Variants in ADGRG7 observed in about 807,000 individuals in gnomAD.
The protein encoded by ADGRG7 is G-protein coupled receptor 128.
ADGRG7 carries 82 observed loss-of-function variants against 88.6 expected under a neutral mutation model. That is an observed-to-expected ratio of 0.93 (90% CI 0.77 to 1.11). ADGRG7 has a LOEUF of 1.11. ADGRG7 is among the 50% of genes most tolerant of loss of function. The probability of loss-of-function intolerance (pLI) is 0.00; values close to 1 mark genes in which losing one functional copy is unlikely to be tolerated. For missense variants in ADGRG7, 945 were observed against 953.4 expected (o/e 0.99, Z 0.12); for synonymous variants, 381 against 345.2 (o/e 1.10, Z -1.15).
chr3:100,679,527 G>A (rs1364876837), intron 15 of ADGRG7, among the ~76,000 whole-genome samples: 1 of 152,224 alleles, frequency 6.6e-6, no homozygotes, highest in South Asian at 2.1e-4. Context: ...ATGGGGGAAT[G>A]ATTGCTGGAG....
chr3:100,686,941 T>A (rs534563451), intron 15 of ADGRG7, among the ~76,000 whole-genome samples: 7 of 152,264 alleles, frequency 4.6e-5, no homozygotes, highest in East Asian at 1.9e-4. Context: ...CTTGATGGGG[T>A]TGGCATTGAA....
intron 3 of ADGRG7, among the ~76,000 whole-genome samples, chr3:100,631,403 C>A (rs16842433): frequency 0.011 from 1,660 of 152,226 alleles, 26 homozygotes; most frequent in African/African-American, 0.038. Context: ...TTTGGTGATT[C>A]ATTTCAGTGC....
In ADGRG7 at chr3:100,628,374, G is replaced by GTTTTTTTTGT. The variant is rs112549474; in HGVS notation, c.116-1216_116-1215insGTTTTTTTTT. Among the ~76,000 whole-genome samples, 342 of 146,386 alleles carry GTTTTTTTTGT rather than the reference G, an allele frequency of 2.3e-3. 2 individuals are homozygous for GTTTTTTTTGT. Among genetic ancestry groups the GTTTTTTTTGT allele is most frequent in the African/African-American group, 8.4e-3 (335 of 39,816 alleles). On this transcript the variant is annotated intron_variant, in intron 1 of 15. Transcript: ENST00000273352. ...TAGAACTCTGCCACTTGTTTTTTTT[G>GTTTTTTTTGT]TTTTTTTTTTGAGATTACTGTGTCA...
intron 15 of ADGRG7, among the ~76,000 whole-genome samples, chr3:100,671,149 T>C (rs1039903976): frequency 1.3e-5 from 2 of 152,220 alleles, no homozygotes; most frequent in African/African-American, 4.8e-5. Context: ...ATGGTTGAAC[T>C]AACTTACACT....
In ADGRG7 at chr3:100,669,090, T is replaced by C. The variant is rs750913991; in HGVS notation, c.2121T>C (p.Leu707=). The change falls in exon 15 of 16, where the codon CTT becomes CTC. Residue 707 remains leucine (L), a synonymous_variant. Transcript: ENST00000273352. ...IRIVFSYIFC[L]FNTTQGLQIF... ...TCGTCTTCAGCTACATATTCTGCCT[T>C]TTCAACACTACACAGGTATGGTGCG... 7 of 1,589,794 alleles carry C rather than the reference T, an allele frequency of 4.4e-6. No individual in the cohort carries two copies. The African/African-American group carries it at 9.4e-5, about 21-fold the overall frequency.
chr3:100,648,873 C>T (rs774173192), intron 10 of ADGRG7, among the ~76,000 whole-genome samples: 4 of 152,032 alleles, frequency 2.6e-5, no homozygotes, highest in Non-Finnish European at 5.9e-5. Flanking sequence ...CACTACCTCA[C>T]CAGATTTCTA....
At position 100,635,718 on chromosome 3, in the gene ADGRG7, A is replaced by C. The variant is rs1425731303; in HGVS notation, c.489A>C (p.Glu163Asp). The C allele has an allele frequency of 6.2e-7, 1 of 1,614,064 alleles. No homozygotes were observed. The highest frequency in any genetic ancestry group is 1.7e-5 in the Admixed American group (1 of 60,020). Residue 163 changes from glutamate to aspartate, a missense_variant, in exon 5 of 16, where the codon GAA becomes GAC. Coordinates refer to ENST00000273352, the MANE Select transcript of ADGRG7 (RefSeq NM_032787.3). ...CACCACTTAATAACATTTCTTCTGA[A>C]GTCCAGATTTTAACATCTGATGCCA... ...VTAPLNNISS[E>D]VQILTSDANK...
chr3:100,618,408 G>A (rs1247495137), intron 1 of ADGRG7, among the ~76,000 whole-genome samples: 1 of 152,164 alleles, frequency 6.6e-6, no homozygotes, highest in Non-Finnish European at 1.5e-5. Context: ...GTATAAGCAA[G>A]GGATCTAGTT....
chr3:100,617,568 C>G (rs906783531), intron 1 of ADGRG7, among the ~76,000 whole-genome samples: 6 of 152,168 alleles, frequency 3.9e-5, no homozygotes, highest in African/African-American at 1.4e-4. Flanking sequence ...TTTATGGCTG[C>G]ATAGTATTCC....
At position 100,635,701 on chromosome 3, in the gene ADGRG7, A is replaced by C. The variant is rs1183092411; in HGVS notation, c.472A>C (p.Asn158His). 9 of 1,613,850 alleles carry C rather than the reference A, an allele frequency of 5.6e-6. No individual in the cohort carries two copies. The highest frequency in any genetic ancestry group is 6.8e-6 in the Non-Finnish European group (8 of 1,179,916). The change falls in exon 5 of 16, where the codon AAT becomes CAT. Residue 158 changes from asparagine (N) to histidine (H), a missense_variant. Transcript: ENST00000273352. Reference sequence around the variant, plus strand: ...GGTAAAGGATGTCACAGCACCACTTAATAACATTTCTTCTGAAGTCCAGAT... The same window carrying C: ...GGTAAAGGATGTCACAGCACCACTTCATAACATTTCTTCTGAAGTCCAGAT... ...KQVKDVTAPL[N>H]NISSEVQILT...
chr3:100,634,266 G>T (rs1478909713), intron 4 of ADGRG7, among the ~76,000 whole-genome samples: 1 of 152,170 alleles, frequency 6.6e-6, no homozygotes, highest in Non-Finnish European at 1.5e-5. Flanking sequence ...TGCCTGGCAT[G>T]TTGCATATGT....
At chr3:100,634,216 G>A (rs1371180464) in intron 4 of ADGRG7, among the ~76,000 whole-genome samples, 2 of 152,140 alleles carry the variant, frequency 1.3e-5, no homozygotes, top group South Asian at 2.1e-4. Context: ...CAAGCAAGGG[G>A]GAGGAAGAGG....
chr3:100,693,723 CAT>C (rs1246849193), intron 15 of ADGRG7, among the ~76,000 whole-genome samples: 1 of 152,194 alleles, frequency 6.6e-6, no homozygotes, highest in Non-Finnish European at 1.5e-5. Flanking sequence ...ATAGCTCCCA[CAT>C]ATTCTTTGTC....
At chr3:100,689,981 G>A (rs918245189) in intron 15 of ADGRG7, among the ~76,000 whole-genome samples, 3 of 152,134 alleles carry the variant, frequency 2.0e-5, no homozygotes, top group African/African-American at 7.2e-5. Context: ...TTCCAACTTG[G>A]TTCCTTTCTC....
intron 15 of ADGRG7, among the ~76,000 whole-genome samples, chr3:100,693,050 G>A (rs7627660): frequency 0.67 from 101,325 of 152,052 alleles, 33,964 homozygotes; most frequent in South Asian, 0.83. Context: ...GTTACTGGTA[G>A]TCAGTCTGAC....
At chr3:100,692,298 G>C (rs1255990044) in intron 15 of ADGRG7, among the ~76,000 whole-genome samples, 2 of 152,158 alleles carry the variant, frequency 1.3e-5, no homozygotes, top group Non-Finnish European at 2.9e-5. Flanking sequence ...TAAATTTACA[G>C]GGATATAACT....
At chr3:100,654,804 A>G in intron 11 of ADGRG7, 31 bp from the exon 12 acceptor site, 1 of 1,345,766 alleles carries the variant, frequency 7.4e-7, no homozygotes, top group Non-Finnish European at 1.0e-6. Context: ...TGTTTCATTT[A>G]ATTTTTTTAT....
intron 15 of ADGRG7, among the ~76,000 whole-genome samples, chr3:100,673,246 T>G (rs1390094357): frequency 6.6e-6 from 1 of 152,164 alleles, no homozygotes; most frequent in Non-Finnish European, 1.5e-5. Flanking sequence ...ATTTCAGAAC[T>G]TGTTATTGGT....
intron 8 of ADGRG7, among the ~76,000 whole-genome samples, chr3:100,644,117 A>G (rs903481651): frequency 2.0e-5 from 3 of 152,080 alleles, no homozygotes; most frequent in African/African-American, 7.2e-5. Flanking sequence ...CCATGTGCTC[A>G]CTATTGTCCT....
Sources: allele counts gnomAD v4.1 joint callset (sites outside exome capture counted in the v4.1 genomes callset), GRCh38; gene constraint gnomAD v4.1.1; transcripts MANE v1.5; gene names NCBI Gene and HGNC (gene_info 2026-07-23, HGNC 2026-07-21).